The following ANKRD33B variants were observed in gnomAD, a reference collection of about 807,000 sequenced individuals.
ANKRD33B encodes ankyrin repeat domain-containing protein 33B.
In ANKRD33B, 6 loss-of-function variants were observed where a neutral mutation model predicts 21.5. The observed-to-expected ratio is 0.28, with a 90% CI of 0.15 to 0.55. The LOEUF (loss-of-function observed/expected upper bound fraction) is 0.55, where lower values mean the gene tolerates loss of function less well. Ranked by LOEUF, ANKRD33B falls within the 20% of genes least tolerant of loss-of-function variation. The pLI, the probability that ANKRD33B is intolerant of heterozygous loss-of-function variation, is 0.94. For synonymous variants in ANKRD33B, 347 were observed against 342.4 expected (o/e 1.01, Z -0.15); for missense variants, 698 against 747.2 (o/e 0.93, Z 0.77).
chr5:10,629,618 CT>C (rs1560980531), intron 2 of ANKRD33B, among the ~76,000 whole-genome samples: 2 of 152,198 alleles, frequency 1.3e-5, no homozygotes, highest in Admixed American at 1.3e-4. Context: ...AGAGATAGAA[CT>C]GGAAAGAGTT....
chr5:10,594,906 T>G (rs1330248303), intron 1 of ANKRD33B, among the ~76,000 whole-genome samples: 1 of 152,052 alleles, frequency 6.6e-6, no homozygotes, highest in Non-Finnish European at 1.5e-5. Flanking sequence ...TGGTAGAGGA[T>G]GGGTGAACTG....
At chr5:10,580,089 T>G (rs2126551724) in intron 1 of ANKRD33B, among the ~76,000 whole-genome samples, 6 of 150,794 alleles carry the variant, frequency 4.0e-5, no homozygotes, top group Middle Eastern at 6.9e-3. Flanking sequence ...TAATTTTATG[T>G]CCCCCTATCT....
intron 1 of ANKRD33B, among the ~76,000 whole-genome samples, chr5:10,572,281 G>A (rs1028118080): frequency 2.0e-5 from 3 of 152,164 alleles, no homozygotes; most frequent in Admixed American, 2.0e-4. Context: ...TCAAAGTGGG[G>A]TCCTGAGACC....
intron 1 of ANKRD33B, among the ~76,000 whole-genome samples, chr5:10,609,157 A>G (rs549425638): frequency 1.3e-5 from 2 of 152,342 alleles, no homozygotes; most frequent in Admixed American, 6.5e-5. Flanking sequence ...AAATTTTTCT[A>G]TTGATTACAT....
intron 1 of ANKRD33B, among the ~76,000 whole-genome samples, chr5:10,595,255 T>A (rs1045105117): frequency 6.6e-6 from 1 of 151,178 alleles, no homozygotes; most frequent in Non-Finnish European, 1.5e-5. Context: ...TGGCAGTGGA[T>A]TTTTTTCTGA....
At chr5:10,586,129 C>T (rs1735553391) in intron 1 of ANKRD33B, among the ~76,000 whole-genome samples, 1 of 152,072 alleles carries the variant, frequency 6.6e-6, no homozygotes, top group African/African-American at 2.4e-5. Context: ...CATTATGTAA[C>T]ACCGAGAAAT....
chr5:10,578,763 A>G lies in ANKRD33B; in HGVS notation c.366+13930A>G, dbSNP rs181887001. Among the ~76,000 whole-genome samples, 11 of 152,354 alleles carry G rather than the reference A, an allele frequency of 7.2e-5. No homozygotes were observed. The East Asian group carries it at 2.1e-3, about 29-fold the overall frequency. ...GAACCGTTGGGTTTGTTTATGAGGCACAAGTATATTGAGTTAATTTTGAAA... is the reference window on the plus strand; with the variant it reads ...GAACCGTTGGGTTTGTTTATGAGGCGCAAGTATATTGAGTTAATTTTGAAA... On this transcript the variant is annotated intron_variant, in intron 1 of 3. Transcript: ENST00000296657.
intron 2 of ANKRD33B, among the ~76,000 whole-genome samples, chr5:10,636,958 C>T (rs746415697): frequency 1.3e-5 from 2 of 152,182 alleles, no homozygotes; most frequent in Non-Finnish European, 2.9e-5. Flanking sequence ...TGGCATCTAT[C>T]GGGTAGAGAC....
rs1490721548 is a variant in ANKRD33B at position 10,653,276 on chromosome 5, T to C, written c.*3163T>C. The C allele has an allele frequency of 1.3e-5, 2 of 152,410 alleles. No homozygotes were observed. Among genetic ancestry groups the C allele is most frequent in the Non-Finnish European group, 2.9e-5 (2 of 68,104 alleles). The allele number at this position is 152,410 out of a possible 1,614,324, so 9.4% of individuals were successfully genotyped here. On this transcript the variant is annotated 3_prime_UTR_variant, in exon 4 of 4. Transcript: ENST00000296657. ...TTTTGCCATGTGGAAGCAGATTTGC[T>C]AGTAGAGGAATTTTCCAAGTCAAGG...
At chr5:10,566,110 G>T (rs1376884743) in intron 1 of ANKRD33B, among the ~76,000 whole-genome samples, 1 of 152,212 alleles carries the variant, frequency 6.6e-6, no homozygotes, top group Non-Finnish European at 1.5e-5. Context: ...TTCAAGATGA[G>T]ATTTGGGTGG....
intron 1 of ANKRD33B, among the ~76,000 whole-genome samples, chr5:10,597,389 A>G (rs1735841488): frequency 2.0e-5 from 3 of 152,236 alleles, no homozygotes; most frequent in Non-Finnish European, 4.4e-5. Flanking sequence ...AGGGAGTGCA[A>G]TTCTAGTTTC....
chr5:10,577,384 C>A (rs1187731390), intron 1 of ANKRD33B, among the ~76,000 whole-genome samples: 1 of 152,216 alleles, frequency 6.6e-6, no homozygotes, highest in Non-Finnish European at 1.5e-5. Flanking sequence ...CCAGCCTCAG[C>A]CTCCCGTAGA....
At chr5:10,571,337 G>A (rs1735183520) in intron 1 of ANKRD33B, among the ~76,000 whole-genome samples, 1 of 152,162 alleles carries the variant, frequency 6.6e-6, no homozygotes, top group Non-Finnish European at 1.5e-5. Context: ...GAGTAGCTGG[G>A]ACTACAGGCA....
At chr5:10,635,874 A>G (rs559759075) in intron 2 of ANKRD33B, among the ~76,000 whole-genome samples, 2 of 152,294 alleles carry the variant, frequency 1.3e-5, no homozygotes, top group East Asian at 1.9e-4. Context: ...TGAAGGGGCT[A>G]GGGGAGCAGA....
At chr5:10,630,866 G>A (rs1309687111) in intron 2 of ANKRD33B, among the ~76,000 whole-genome samples, 1 of 110,136 alleles carries the variant, frequency 9.1e-6, no homozygotes, top group Non-Finnish European at 2.0e-5. Flanking sequence ...GAGTGAGACT[G>A]TGTCAAAAAA....
At chr5:10,601,825 G>C (rs553995890) in intron 1 of ANKRD33B, among the ~76,000 whole-genome samples, 31 of 152,314 alleles carry the variant, frequency 2.0e-4, no homozygotes, top group Non-Finnish European at 4.3e-4. Context: ...ACAATATCTC[G>C]AGATCTGCCC....
chr5:10,588,954 G>A (rs564459263), intron 1 of ANKRD33B, among the ~76,000 whole-genome samples: 2 of 152,180 alleles, frequency 1.3e-5, no homozygotes, highest in East Asian at 3.9e-4. Flanking sequence ...GCGTCCATCT[G>A]CTTGTCCTGT....
chr5:10,609,293 C>T (rs1214541979), intron 1 of ANKRD33B, among the ~76,000 whole-genome samples: 1 of 152,216 alleles, frequency 6.6e-6, no homozygotes, highest in Non-Finnish European at 1.5e-5. Flanking sequence ...TAGCTCATGC[C>T]TGTAATCTCA....
intron 1 of ANKRD33B, among the ~76,000 whole-genome samples, chr5:10,602,840 T>C (rs1189795611): frequency 6.6e-6 from 1 of 151,110 alleles, no homozygotes; most frequent in Non-Finnish European, 1.5e-5. Context: ...TGAGACAGTG[T>C]TTCAGTCTGT....
Sources: allele counts gnomAD v4.1 joint callset (sites outside exome capture counted in the v4.1 genomes callset), GRCh38; gene constraint gnomAD v4.1.1; transcripts MANE v1.5; gene names NCBI Gene and HGNC (gene_info 2026-07-23, HGNC 2026-07-21).